The following PFKP variants were observed in gnomAD, a reference collection of about 807,000 sequenced individuals.
The protein encoded by PFKP is ATP-dependent 6-phosphofructokinase, platelet type.
Under a neutral mutation model 94.3 loss-of-function variants are expected in PFKP, and 101 were observed. That is an observed-to-expected ratio of 1.07 (90% CI 0.91 to 1.26). PFKP has a LOEUF of 1.26. Ranked by LOEUF, PFKP falls within the 50% of genes most tolerant of loss-of-function variation. The probability of loss-of-function intolerance (pLI) is 0.00; values close to 1 mark genes in which losing one functional copy is unlikely to be tolerated. For synonymous variants in PFKP, 573 were observed against 432.6 expected (o/e 1.32, Z -4.03); for missense variants, 1,145 against 1,103.3 (o/e 1.04, Z -0.53).
intron 2 of PFKP, among the ~76,000 whole-genome samples, chr10:3,088,264 C>T (rs542473962): frequency 4.9e-4 from 73 of 150,470 alleles, no homozygotes; most frequent in African/African-American, 1.5e-3. Flanking sequence ...TTTGTCCTTG[C>T]GATAGTTTGC....
At chr10:3,069,605 T>C (rs78195233) in intron 1 of PFKP, among the ~76,000 whole-genome samples, 5,940 of 152,160 alleles carry the variant, frequency 0.039, 181 homozygotes, top group Non-Finnish European at 0.056. Context: ...GCTGTGGGCC[T>C]TGTACGGTGG....
chr10:3,091,743 G>A (rs565859056), intron 2 of PFKP, among the ~76,000 whole-genome samples: 16 of 152,194 alleles, frequency 1.1e-4, no homozygotes, highest in Admixed American at 5.9e-4. Flanking sequence ...CCTAGATTGC[G>A]CCACTGCATT....
intron 4 of PFKP, 44 bp downstream of exon 4, chr10:3,101,598 T>C: frequency 7.2e-7 from 1 of 1,382,428 alleles, no homozygotes; most frequent in South Asian, 1.5e-5. Flanking sequence ...TTTCGCCCTG[T>C]TTCAGAGCTT....
At chr10:3,107,063 T>C (rs1835704831) in intron 7 of PFKP, 151 bp from the exon 8 acceptor site, 1 of 530,112 alleles carries the variant, frequency 1.9e-6, no homozygotes, top group Non-Finnish European at 3.4e-6. Flanking sequence ...CACCTTCTGA[T>C]GTCATTGGGA....
intron 14 of PFKP, among the ~76,000 whole-genome samples, chr10:3,117,984 C>A (rs1327098057): frequency 6.6e-6 from 1 of 152,156 alleles, no homozygotes; most frequent in Non-Finnish European, 1.5e-5. Context: ...TTCTTCCAAT[C>A]AACATGAAAC....
intron 2 of PFKP, among the ~76,000 whole-genome samples, chr10:3,097,490 C>T (rs1834585657): frequency 6.6e-6 from 1 of 152,022 alleles, no homozygotes; most frequent in African/African-American, 2.4e-5. Flanking sequence ...TGAGACTGGG[C>T]TGTGTTTAGA....
chr10:3,122,050 T>C (rs756619612), intron 16 of PFKP, among the ~76,000 whole-genome samples: 1 of 144,204 alleles, frequency 6.9e-6, no homozygotes, highest in African/African-American at 2.6e-5. Context: ...TCAAAACGTC[T>C]GGGCTCAAGC....
At chr10:3,134,638 G>A in intron 20 of PFKP, 56 bp downstream of exon 20, 2 of 1,121,382 alleles carry the variant, frequency 1.8e-6, no homozygotes, top group South Asian at 1.2e-5. Flanking sequence ...TCCTGCCTTG[G>A]TGAAAATGCT....
At chr10:3,089,781 C>G (rs944725604) in intron 2 of PFKP, among the ~76,000 whole-genome samples, 3 of 151,452 alleles carry the variant, frequency 2.0e-5, no homozygotes, top group Non-Finnish European at 4.4e-5. Flanking sequence ...TAACTGTAGT[C>G]GCTCCATAGT....
Position 3,136,672 on chromosome 10 carries a change from TGAC to T in PFKP, c.*94_*96del. On this transcript the variant is annotated 3_prime_UTR_variant, in exon 22 of 22. Coordinates refer to ENST00000381125, the MANE Select transcript of PFKP (RefSeq NM_002627.5). Reference sequence around the variant, plus strand: ...TATCAGCACTTTATGCACGTATTATTGACATTAATACCTAATCGGCGAGTGCCC... The same window carrying T: ...TATCAGCACTTTATGCACGTATTATTATTAATACCTAATCGGCGAGTGCCC... 7.2e-7 allele frequency: 1 copy of T among 1,393,452 alleles called. No individual in the cohort carries two copies. The highest frequency in any genetic ancestry group is 9.9e-7 in the Non-Finnish European group (1 of 1,007,974). The allele number at this position is 1,393,452 out of a possible 1,614,324, so 86.3% of individuals were successfully genotyped here.
At chr10:3,121,598 T>C (rs1202981978) in intron 16 of PFKP, among the ~76,000 whole-genome samples, 26 of 130,406 alleles carry the variant, frequency 2.0e-4, no homozygotes, top group Non-Finnish European at 3.3e-4. Context: ...TTTTTTTTTT[T>C]TCAGATTGTA....
intron 5 of PFKP, among the ~76,000 whole-genome samples, chr10:3,104,231 A>AG (rs1324130103): frequency 2.6e-5 from 4 of 152,216 alleles, no homozygotes; most frequent in African/African-American, 9.6e-5. Flanking sequence ...CATCTCCAGA[A>AG]GGAGTGGCAA....
At position 3,082,428 on chromosome 10, in the gene PFKP, C is replaced by G. The variant is rs1246280276; in HGVS notation, c.153C>G (p.Ile51Met). 2 of 1,608,100 alleles carry G rather than the reference C, an allele frequency of 1.2e-6. No homozygotes were observed. Among genetic ancestry groups the G allele is most frequent in the Non-Finnish European group, 1.7e-6 (2 of 1,176,250 alleles). ...TCCGTGCCGTGGTGCGCATGGGTAT[C>G]TACGTGGGGGCCAAGGTGTACTTCA... Reference protein sequence around the residue: ...AAVRAVVRMGIYVGAKVYFIY... With the variant: ...AAVRAVVRMGMYVGAKVYFIY... Residue 51 changes from isoleucine to methionine, a missense_variant, in exon 2 of 22, where the codon ATC becomes ATG. Transcript: ENST00000381125.
chr10:3,073,905 T>G, intron 1 of PFKP, among the ~76,000 whole-genome samples: 1 of 152,134 alleles, frequency 6.6e-6, no homozygotes, highest in Admixed American at 6.5e-5. Flanking sequence ...TGGCTTGATG[T>G]CGGCTCACTG....
chr10:3,067,594 C>T lies in PFKP; in HGVS notation c.-2C>T. The T allele has an allele frequency of 6.6e-7, 1 of 1,505,634 alleles. No individual in the cohort carries two copies. The highest frequency in any genetic ancestry group is 1.2e-5 in the South Asian group (1 of 82,010). 93.3% of individuals were successfully genotyped at this position (1,505,634 alleles called of 1,614,324 possible). On this transcript the variant is annotated 5_prime_UTR_variant, in exon 1 of 22. Coordinates refer to ENST00000381125, the MANE Select transcript of PFKP (RefSeq NM_002627.5). ...CGTGCGGCTCCCCTCGGCCTCCTCG[C>T]CATGGACGCGGACGACTCCCGGGCC... is the stretch of plus-strand genomic sequence containing the variant.
intron 5 of PFKP, chr10:3,104,624 A>C (rs539027577): frequency 4.8e-6 from 1 of 208,166 alleles, no homozygotes; most frequent in Admixed American, 5.7e-5. Context: ...GTGGAAAATC[A>C]CCGAGTTGGA....
intron 19 of PFKP, among the ~76,000 whole-genome samples, chr10:3,134,257 CTTGTTCGGTT>C (rs1838944587): frequency 6.6e-6 from 1 of 152,188 alleles, no homozygotes; most frequent in Admixed American, 6.5e-5. Context: ...TGTTAGTTGA[CTTGTTCGGTT>C]TATTAAAATC....
Position 3,102,463 on chromosome 10 carries a change from G to T in PFKP, c.454+909G>T, listed in dbSNP as rs1000692839. 5.9e-5 allele frequency among the ~76,000 whole-genome samples: 9 copies of T among 151,804 alleles called. 1 individual carries two copies. The highest frequency in any genetic ancestry group is 3.9e-4 in the Admixed American group (6 of 15,258). On this transcript the variant is annotated intron_variant, in intron 4 of 21. Coordinates refer to ENST00000381125, the MANE Select transcript of PFKP (RefSeq NM_002627.5). ...GAGTCTTTCTCCATTGCCCAGGCTG[G>T]AGTGCAGTGGCACGATCTCGGCTCA...
chr10:3,107,902 A>G (rs1175332382), intron 8 of PFKP: 1 of 1,289,542 alleles, frequency 7.8e-7, no homozygotes. Flanking sequence ...ACGGGGCTGC[A>G]GGCTGCCGGG....
Sources: gnomAD v4.1 joint callset for allele counts (sites outside exome capture counted in the v4.1 genomes callset) on GRCh38, gnomAD v4.1.1 for gene constraint, MANE v1.5 for transcripts, NCBI Gene and HGNC (gene_info 2026-07-23, HGNC 2026-07-21) for gene names.